Variants in PPP2R2C observed in about 807,000 individuals in gnomAD.
PPP2R2C encodes the protein protein phosphatase 2, regulatory subunit B, gamma.
PPP2R2C carries 10 observed loss-of-function variants against 45.3 expected under a neutral mutation model. The ratio of observed to expected loss-of-function variants is 0.22; its 90% CI spans 0.14 to 0.37. The LOEUF (loss-of-function observed/expected upper bound fraction) is 0.37. Among genes scored for constraint, PPP2R2C ranks in the 10% least tolerant of loss-of-function variants. The probability of loss-of-function intolerance (pLI) is 1.00; values close to 1 mark genes in which losing one functional copy is unlikely to be tolerated. For synonymous variants in PPP2R2C, 257 were observed against 245.4 expected, an observed-to-expected ratio of 1.05 and a Z score of -0.44; for missense variants, 308 against 619.7, an observed-to-expected ratio of 0.50 and a Z score of 5.34.
At chr4:6,502,835 A>C (rs1190696001) in intron 2 of PPP2R2C, among the ~76,000 whole-genome samples, 1 of 152,084 alleles carries the variant, frequency 6.6e-6, no homozygotes, top group Non-Finnish European at 1.5e-5. Flanking sequence ...GGAGCCGAAA[A>C]ACCTTGGAGA....
In PPP2R2C at chr4:6,337,134, A is replaced by G. The variant is rs1402713131; in HGVS notation, c.791-3403T>C. Among the ~76,000 whole-genome samples the G allele has an allele frequency of 1.9e-3, 124 of 65,182 alleles. 5 individuals carry two copies. Among genetic ancestry groups the G allele is most frequent in the African/African-American group, 5.9e-3 (100 of 17,012 alleles). 42.8% of individuals were successfully genotyped at this position (65,182 alleles called of 152,430 possible). On this transcript the variant is annotated intron_variant, in intron 6 of 8. Coordinates refer to ENST00000382599, the MANE Select transcript of PPP2R2C (RefSeq NM_020416.4). The stretch of plus-strand genomic sequence containing the variant: ...TGTGTATATATATATATATATATAT[A>G]TATATATATATATATATATATATAT...
intron 2 of PPP2R2C, among the ~76,000 whole-genome samples, chr4:6,486,574 A>C (rs1722536588): frequency 6.6e-6 from 1 of 152,010 alleles, no homozygotes; most frequent in South Asian, 2.1e-4. Context: ...TTAACTTTTA[A>C]TTAATTGTTC....
intron 5 of PPP2R2C, among the ~76,000 whole-genome samples, chr4:6,357,239 G>C (rs922734229): frequency 1.3e-5 from 2 of 152,276 alleles, no homozygotes; most frequent in African/African-American, 4.8e-5. Context: ...GACAGGGACA[G>C]CGAGGTGCTG....
In PPP2R2C at chr4:6,345,808, C is replaced by T. The variant is rs1179012760; in HGVS notation, c.790+2038G>A. Among the ~76,000 whole-genome samples, 2 of 152,144 alleles carry T rather than the reference C, an allele frequency of 1.3e-5. No homozygotes were observed. The highest frequency in any genetic ancestry group is 2.1e-4 in the South Asian group (1 of 4,836). ...GTGGCGCACAGGACGCAGCCCCGAG[C>T]CCCCTGCACCCCGGGAATCTCAGCT... On this transcript the variant is annotated intron_variant, in intron 6 of 8. Coordinates refer to ENST00000382599, the MANE Select transcript of PPP2R2C (RefSeq NM_020416.4). The surrounding 1 kb of genome is among the most constrained non-coding windows in gnomAD (Gnocchi z 5.3).
At chr4:6,519,952 G>T (rs1200360790) in intron 2 of PPP2R2C, among the ~76,000 whole-genome samples, 1 of 152,152 alleles carries the variant, frequency 6.6e-6, no homozygotes, top group Non-Finnish European at 1.5e-5. Flanking sequence ...ACCACCTGGG[G>T]TGAGCTGCTT....
intron 6 of PPP2R2C, among the ~76,000 whole-genome samples, chr4:6,339,587 G>T (rs536050273): frequency 1.3e-5 from 2 of 152,274 alleles, no homozygotes; most frequent in African/African-American, 4.8e-5. Flanking sequence ...TGGGGCTGGG[G>T]TGGAGGCCGA....
intron 2 of PPP2R2C, among the ~76,000 whole-genome samples, chr4:6,528,273 G>T (rs1161246766): frequency 6.6e-6 from 1 of 152,268 alleles, no homozygotes. Context: ...TGGGGTGAAG[G>T]GTGTTGGCTC....
At chr4:6,369,537 G>A (rs183381709) in intron 5 of PPP2R2C, among the ~76,000 whole-genome samples, 1 of 152,328 alleles carries the variant, frequency 6.6e-6, no homozygotes, top group East Asian at 1.9e-4. Context: ...GTGGCATGTG[G>A]AGGCAGGCAC....
intron 1 of PPP2R2C, chr4:6,413,783 G>A (rs2109374501): frequency 7.6e-7 from 1 of 1,310,350 alleles, no homozygotes; most frequent in East Asian, 2.5e-5. Flanking sequence ...ACTCTGAGAA[G>A]TGGAGACTGG....
chr4:6,451,257 C>A (rs941270950), intron 1 of PPP2R2C, among the ~76,000 whole-genome samples: 8 of 152,180 alleles, frequency 5.3e-5, no homozygotes, highest in African/African-American at 1.7e-4. Context: ...GGGCTGGATC[C>A]GCTGTGGACT....
chr4:6,515,376 A>G (rs1379654494), intron 2 of PPP2R2C, among the ~76,000 whole-genome samples: 1 of 152,220 alleles, frequency 6.6e-6, no homozygotes, highest in East Asian at 1.9e-4. Context: ...ACTCTGTGCC[A>G]GGCCAAAGGC....
At chr4:6,509,524 G>A (rs768203680) in intron 2 of PPP2R2C, among the ~76,000 whole-genome samples, 39 of 152,226 alleles carry the variant, frequency 2.6e-4, no homozygotes, top group Non-Finnish European at 4.6e-4. Context: ...TACACCAGGG[G>A]AAATGGTGTG....
chr4:6,515,567 T>C (rs924748014), intron 2 of PPP2R2C, among the ~76,000 whole-genome samples: 1 of 152,236 alleles, frequency 6.6e-6, no homozygotes, highest in Non-Finnish European at 1.5e-5. Context: ...TCATGCAGAC[T>C]AAATGAGTGA....
At chr4:6,394,646 G>C (rs372750312) in intron 1 of PPP2R2C, among the ~76,000 whole-genome samples, 23 of 149,860 alleles carry the variant, frequency 1.5e-4, no homozygotes, top group African/African-American at 5.6e-4. Context: ...TCCCAGGATG[G>C]GGGGCATGGA....
At chr4:6,510,203 A>G (rs1291628903) in intron 2 of PPP2R2C, among the ~76,000 whole-genome samples, 1 of 152,006 alleles carries the variant, frequency 6.6e-6, no homozygotes, top group African/African-American at 2.4e-5. Context: ...CCAAACTCCA[A>G]CCTGCATGGC....
intron 1 of PPP2R2C, among the ~76,000 whole-genome samples, chr4:6,558,603 T>A (rs1487915347): frequency 6.6e-6 from 1 of 152,184 alleles, no homozygotes; most frequent in Non-Finnish European, 1.5e-5. Context: ...GGATTTCAGA[T>A]TCTTGCCGCA....
intron 1 of PPP2R2C, among the ~76,000 whole-genome samples, chr4:6,562,934 G>C (rs1452264279): frequency 1.0e-4 from 15 of 145,282 alleles, no homozygotes; most frequent in Non-Finnish European, 2.2e-4. Context: ...CTCTGGGCGC[G>C]CCACTGTCAT....
intron 1 of PPP2R2C, among the ~76,000 whole-genome samples, chr4:6,409,508 C>A (rs1193203675): frequency 1.3e-5 from 2 of 152,178 alleles, no homozygotes; most frequent in Non-Finnish European, 2.9e-5. Flanking sequence ...TGGGGCTGCC[C>A]TGAGATGTGC....
At chr4:6,382,989 GCCAAACCTTCACC>G in intron 1 of PPP2R2C, 1 of 1,079,020 alleles carries the variant, frequency 9.3e-7, no homozygotes, top group East Asian at 8.5e-5. Flanking sequence ...CGCATCTGGA[GCCAAACCTTCACC>G]CCTCCCATGG....
Sources: allele counts gnomAD v4.1 joint callset (sites outside exome capture counted in the v4.1 genomes callset), GRCh38; gene constraint gnomAD v4.1.1; non-coding constraint Gnocchi (gnomAD v3.1); transcripts MANE v1.5; gene names NCBI Gene and HGNC (gene_info 2026-07-23, HGNC 2026-07-21).